Variants in SPRY3 observed in about 807,000 individuals in gnomAD.
The protein encoded by SPRY3 is sprouty RTK signaling antagonist 3, also known as protein sprouty homolog 3.
A neutral mutation model predicts 20.2 loss-of-function variants in SPRY3; 15 were observed. The observed-to-expected ratio is 0.74, with a 90% CI of 0.50 to 1.14. The LOEUF is 1.14. Among genes scored for constraint, SPRY3 ranks in the 50% most tolerant of loss-of-function variants. The pLI is 0.00. For missense variants in SPRY3, 364 were observed against 363.9 expected, an observed-to-expected ratio of 1.00 and a Z score of 0.00; for synonymous variants, 143 against 136.5, an observed-to-expected ratio of 1.05 and a Z score of -0.33.
intron 2 of SPRY3, among the ~76,000 whole-genome samples, chrX:155,729,499 A>C (rs972107739): frequency 6.6e-6 from 1 of 152,080 alleles, no homozygotes; most frequent in Non-Finnish European, 1.5e-5. Flanking sequence ...AAAATTTAAA[A>C]ATTTCTTGAA....
intron 2 of SPRY3, among the ~76,000 whole-genome samples, chrX:155,764,266 A>G (rs756021980): frequency 2.6e-5 from 4 of 152,308 alleles, no homozygotes; most frequent in Non-Finnish European, 5.9e-5. Context: ...ATCTGTCAAA[A>G]TATGTTTTCT....
chrX:155,700,449 A>G (rs1175757123), intron 2 of SPRY3, among the ~76,000 whole-genome samples: 1 of 108,112 alleles, frequency 9.2e-6, no homozygotes, highest in Non-Finnish European at 1.9e-5. Flanking sequence ...AAATAATGGA[A>G]AAGAGTTACT....
chrX:155,763,576 G>A (rs1445752548), intron 2 of SPRY3, among the ~76,000 whole-genome samples: 1 of 152,066 alleles, frequency 6.6e-6, no homozygotes, highest in Non-Finnish European at 1.5e-5. Context: ...TGTCATTCGA[G>A]TTATTCTCCA....
chrX:155,717,427 C>A (rs1477252689), intron 2 of SPRY3, among the ~76,000 whole-genome samples: 1 of 152,020 alleles, frequency 6.6e-6, no homozygotes, highest in Non-Finnish European at 1.5e-5. Context: ...CTGGGATACA[C>A]GTGCAGAACA....
At chrX:155,714,522 C>A (rs1054795216) in intron 2 of SPRY3, among the ~76,000 whole-genome samples, 1 of 152,144 alleles carries the variant, frequency 6.6e-6, no homozygotes, top group Non-Finnish European at 1.5e-5. Context: ...CATATGGCAT[C>A]TCTTTTTCTC....
chrX:155,668,774 G>A (rs1189343007), intron 2 of SPRY3, among the ~76,000 whole-genome samples: 6 of 109,253 alleles, frequency 5.5e-5, no homozygotes, highest in South Asian at 3.9e-4. Context: ...TTTCTTTTTC[G>A]CTTAGGCCAA....
At chrX:155,773,999 C>T (rs754366086) in exon 4 of SPRY3, 8 of 1,613,854 alleles carry the variant, frequency 5.0e-6, no homozygotes, top group Non-Finnish European at 5.9e-6. Context: ...TCCAGCCCTT[C>T]CCTTATTGTG....
downstream of SPRY3, chrX:155,776,892 C>T (rs2091430543): frequency 6.0e-6 from 1 of 166,998 alleles, no homozygotes; most frequent in Non-Finnish European, 1.5e-5. Flanking sequence ...TACACCTCCT[C>T]TTCTAGAATT....
intron 3 of SPRY3, among the ~76,000 whole-genome samples, chrX:155,768,383 A>AT (rs2091358938): frequency 6.6e-6 from 1 of 152,102 alleles, no homozygotes. Context: ...TCAAAATAAT[A>AT]TTTTTCTAGG....
intron 2 of SPRY3, among the ~76,000 whole-genome samples, chrX:155,710,261 C>T (rs2090977319): frequency 6.6e-6 from 1 of 151,648 alleles, no homozygotes; most frequent in East Asian, 1.9e-4. Flanking sequence ...GTAGTATGAA[C>T]ATTTTGACAA....
In SPRY3 at chrX:155,714,774, A is replaced by T. The variant is rs147857855; in HGVS notation, c.-281-53188A>T. On this transcript the variant is annotated intron_variant, in intron 2 of 3. Coordinates refer to ENST00000675360, the Ensembl canonical transcript of SPRY3. Reference sequence around the variant, plus strand: ...GATGTTCTATTCTACTGTGGCTAAGATGGCACTCAAACCACAATACAAAGT... The same window carrying T: ...GATGTTCTATTCTACTGTGGCTAAGTTGGCACTCAAACCACAATACAAAGT... 5.4e-3 allele frequency among the ~76,000 whole-genome samples: 820 copies of T among 152,168 alleles called. 6 individuals carry two copies. The highest frequency in any genetic ancestry group is 0.019 in the African/African-American group (778 of 41,524).
At chrX:155,739,539 A>T (rs1176791303) in intron 2 of SPRY3, among the ~76,000 whole-genome samples, 7 of 152,142 alleles carry the variant, frequency 4.6e-5, no homozygotes, top group Admixed American at 4.6e-4. Flanking sequence ...GGGTCTCCAG[A>T]TACCTCCTAG....
At chrX:155,719,499 G>A (rs929855132) in intron 2 of SPRY3, among the ~76,000 whole-genome samples, 1 of 152,022 alleles carries the variant, frequency 6.6e-6, no homozygotes, top group Non-Finnish European at 1.5e-5. Context: ...CTAAGGGAGT[G>A]CTGGTATCAC....
At chrX:155,774,852 CTT>C (rs2091413511) in exon 4 of SPRY3, 3 of 1,238,628 alleles carry the variant, frequency 2.4e-6, no homozygotes, top group Admixed American at 2.4e-5. Flanking sequence ...TAGGGCCTCT[CTT>C]TTGTTCCTGC....
chrX:155,763,370 A>G (rs1033172023), intron 2 of SPRY3, among the ~76,000 whole-genome samples: 1 of 152,080 alleles, frequency 6.6e-6, no homozygotes, highest in South Asian at 2.1e-4. Context: ...CTCACTGTCA[A>G]TTCCCTAACC....
chrX:155,632,479 C>T (rs1011245685), intron 1 of SPRY3, among the ~76,000 whole-genome samples: 1 of 111,734 alleles, frequency 8.9e-6, no homozygotes, highest in Non-Finnish European at 1.9e-5. Flanking sequence ...ACAAGACTCA[C>T]TCATGCTTGT....
chrX:155,759,659 A>G (rs2091296670), intron 2 of SPRY3, among the ~76,000 whole-genome samples: 1 of 152,186 alleles, frequency 6.6e-6, no homozygotes, highest in Non-Finnish European at 1.5e-5. Flanking sequence ...GAATGAATCA[A>G]GGAGCTCCTA....
At position 155,773,050 on chromosome X, in the gene SPRY3, C is replaced by T. The variant is rs565934242; in HGVS notation, c.-106-716C>T. ...CCATTCCATTTAAAAAGAATCACTT[C>T]CTTAGTAAGTTAAAGCAGCCAGTAA... On this transcript the variant is annotated intron_variant, in intron 3 of 3. Transcript: ENST00000675360. 2.6e-5 allele frequency among the ~76,000 whole-genome samples: 4 copies of T among 151,990 alleles called. No homozygotes were observed. In the South Asian group the frequency reaches 8.3e-4, roughly 32 times the overall value.
intron 2 of SPRY3, among the ~76,000 whole-genome samples, chrX:155,694,344 C>T (rs1473196877): frequency 4.5e-5 from 5 of 110,942 alleles, no homozygotes; most frequent in Admixed American, 9.6e-5. Flanking sequence ...TTGAAATATG[C>T]GTCATCTTTA....
Sources: allele counts gnomAD v4.1 joint callset (sites outside exome capture counted in the v4.1 genomes callset), GRCh38; gene constraint gnomAD v4.1.1; transcripts MANE v1.5; gene names NCBI Gene and HGNC (gene_info 2026-07-23, HGNC 2026-07-21).